Variants in RAPGEF2 observed in about 807,000 individuals in gnomAD.
RAPGEF2 encodes the protein PDZ domain containing guanine nucleotide exchange factor (GEF) 1.
A neutral mutation model predicts 186.7 loss-of-function variants in RAPGEF2; 54 were observed. The ratio of observed to expected loss-of-function variants is 0.29; its 90% CI spans 0.23 to 0.36. The LOEUF (loss-of-function observed/expected upper bound fraction) is 0.36. Ranked by LOEUF, RAPGEF2 falls within the 10% of genes least tolerant of loss-of-function variation. The pLI is 1.00. For synonymous variants in RAPGEF2, 712 were observed against 705.9 expected (o/e 1.01, Z -0.14); for missense variants, 1,532 against 2,045.0 (o/e 0.75, Z 4.84).
chr4:159,355,878 G>GCCGGCCCC lies in RAPGEF2; in HGVS notation c.4679_4680insGGCCCCCC (p.Pro1561AlafsTer67). On this transcript the variant is annotated frameshift_variant, in exon 29 of 30. Coordinates refer to ENST00000691494, the MANE Select transcript of RAPGEF2 (RefSeq NM_001394067.2). LOFTEE classifies it high-confidence loss of function. Reference sequence around the variant, plus strand: ...CACGAAAGGAGGGCAGGTATCGAGAGCCCCCGCCCACCCCTCCCGGCTACA... The same window carrying GCCGGCCCC: ...CACGAAAGGAGGGCAGGTATCGAGAGCCGGCCCCCCCCCGCCCACCCCTCCCGGCTACA... 5.3e-6 allele frequency: 8 copies of GCCGGCCCC among 1,515,836 alleles called. No homozygotes were observed. Among genetic ancestry groups the GCCGGCCCC allele is most frequent in the Non-Finnish European group, 6.3e-6 (7 of 1,117,976 alleles). 93.9% of individuals were successfully genotyped at this position (1,515,836 alleles called of 1,614,324 possible).
intron 25 of RAPGEF2, among the ~76,000 whole-genome samples, chr4:159,348,586 C>G (rs776547341): frequency 6.6e-6 from 1 of 152,120 alleles, no homozygotes; most frequent in African/African-American, 2.4e-5. Context: ...TTATATATTA[C>G]GTTTTGAATA....
chr4:159,270,438 C>G (rs1439669465), intron 7 of RAPGEF2, among the ~76,000 whole-genome samples: 1 of 152,160 alleles, frequency 6.6e-6, no homozygotes, highest in East Asian at 1.9e-4. Context: ...TTCACAAATA[C>G]TTCTGTTTTG....
chr4:159,346,785 T>C lies in RAPGEF2; in HGVS notation c.3503-4T>C, dbSNP rs948630108. 1.2e-6 allele frequency: 2 copies of C among 1,612,734 alleles called. No individual in the cohort carries two copies. The highest frequency in any genetic ancestry group is 8.5e-7 in the Non-Finnish European group (1 of 1,179,126). ...TTCTATTTTCAAACCCAAACAATTA[T>C]CAGTGCCTAAGAATCCTGGTGACAA... On this transcript the variant is annotated splice_polypyrimidine_tract_variant and splice_region_variant and intron_variant, in intron 24 of 29. Coordinates refer to ENST00000691494, the MANE Select transcript of RAPGEF2 (RefSeq NM_001394067.2).
Position 159,331,758 on chromosome 4 carries a change from G to C in RAPGEF2, c.1704G>C (p.Lys568Asn), listed in dbSNP as rs369140910. The C allele has an allele frequency of 6.8e-6, 11 of 1,613,966 alleles. No homozygotes were observed. The African/African-American group carries it at 1.5e-4, about 22-fold the overall frequency. Residue 568 changes from lysine to asparagine, a missense_variant, in exon 15 of 30, where the codon AAG becomes AAC. Lys to Asn is a moderately conservative substitution (Grantham distance 94). This residue lies in a region of RAPGEF2 where 810 missense variants were observed against 1,210.5 expected (regional missense o/e 0.67). Coordinates refer to ENST00000691494, the MANE Select transcript of RAPGEF2 (RefSeq NM_001394067.2). ...TTATCTTACTTGGAGGCTCTGAGAA[G>C]GGATTTGGAATCTTTGTTGACAGTG... is the stretch of plus-strand genomic sequence containing the variant. ...LPFILLGGSE[K>N]GFGIFVDSVD...
intron 7 of RAPGEF2, among the ~76,000 whole-genome samples, chr4:159,287,570 T>C (rs140021248): frequency 2.8e-4 from 43 of 152,274 alleles, no homozygotes; most frequent in African/African-American, 8.9e-4. Context: ...TATATGCTTC[T>C]CTAAGAGCAA....
In RAPGEF2 at chr4:159,332,724, C is replaced by T. The variant is rs781529273; in HGVS notation, c.2135+27C>T. ...TAAGCATCTGCATATGTCTTCTGTGCATTATTTTATTTTGTTAAAATGATA... is the reference window on the plus strand; with the variant it reads ...TAAGCATCTGCATATGTCTTCTGTGTATTATTTTATTTTGTTAAAATGATA... On this transcript the variant is annotated intron_variant, in intron 17 of 29. Coordinates refer to ENST00000691494, the MANE Select transcript of RAPGEF2 (RefSeq NM_001394067.2). The T allele has an allele frequency of 9.4e-6, 15 of 1,603,330 alleles. No homozygotes were observed. The East Asian group carries it at 3.4e-4, about 36-fold the overall frequency.
intron 8 of RAPGEF2, among the ~76,000 whole-genome samples, chr4:159,313,882 A>C (rs1043626420): frequency 6.6e-6 from 1 of 152,198 alleles, no homozygotes; most frequent in Non-Finnish European, 1.5e-5. Context: ...TAACTGTTCT[A>C]GGATTGAGCT....
chr4:159,115,660 T>C (rs932591133), intron 1 of RAPGEF2, among the ~76,000 whole-genome samples: 4 of 152,092 alleles, frequency 2.6e-5, no homozygotes, highest in African/African-American at 7.2e-5. Context: ...TTAAAAGTAT[T>C]TCTCTGCTAC....
intron 28 of RAPGEF2, 85 bp from the exon 29 acceptor site, chr4:159,355,768 C>T (rs564268389): frequency 1.6e-6 from 2 of 1,230,672 alleles, no homozygotes; most frequent in South Asian, 1.5e-5. Context: ...ACTGTGGATG[C>T]TGTTTTAGTA....
chr4:159,337,619 G>A (rs935296052), intron 17 of RAPGEF2, among the ~76,000 whole-genome samples: 1 of 151,884 alleles, frequency 6.6e-6, no homozygotes, highest in African/African-American at 2.4e-5. Context: ...GCCGGGCGTG[G>A]TGGCTCACGC....
intron 1 of RAPGEF2, among the ~76,000 whole-genome samples, chr4:159,119,577 A>C (rs539142682): frequency 5.9e-5 from 9 of 152,278 alleles, no homozygotes; most frequent in African/African-American, 1.7e-4. Flanking sequence ...ACCTCTTTGA[A>C]AGTCTTATTG....
chr4:159,280,406 T>C (rs1189867861), intron 7 of RAPGEF2, among the ~76,000 whole-genome samples: 1 of 152,228 alleles, frequency 6.6e-6, no homozygotes, highest in Admixed American at 6.5e-5. Flanking sequence ...AATCCACTGA[T>C]GATGGATTCT....
At chr4:159,133,635 G>C (rs1305402632) in intron 1 of RAPGEF2, among the ~76,000 whole-genome samples, 1 of 151,604 alleles carries the variant, frequency 6.6e-6, no homozygotes, top group Non-Finnish European at 1.5e-5. Flanking sequence ...CCATGCTGGA[G>C]TGCAGTGGCA....
chr4:159,350,063 G>T (rs1730950975), intron 25 of RAPGEF2, 74 bp from the exon 26 acceptor site: 1 of 1,099,912 alleles, frequency 9.1e-7, no homozygotes, highest in Non-Finnish European at 1.3e-6. Context: ...ACACAAAAAA[G>T]TTTTTTATTC....
intron 20 of RAPGEF2, among the ~76,000 whole-genome samples, chr4:159,342,422 GA>G (rs532993258): frequency 4.0e-5 from 6 of 148,348 alleles, no homozygotes; most frequent in Admixed American, 1.3e-4. Flanking sequence ...GAGGTTAGAA[GA>G]AAAAAAAATG....
At chr4:159,350,787 G>T (rs1731063436) in intron 26 of RAPGEF2, among the ~76,000 whole-genome samples, 1 of 152,092 alleles carries the variant, frequency 6.6e-6, no homozygotes, top group Non-Finnish European at 1.5e-5. Flanking sequence ...CATATTAAAA[G>T]AGTAGGTAAT....
At chr4:159,215,606 A>G (rs961875737) in intron 4 of RAPGEF2, among the ~76,000 whole-genome samples, 21 of 152,254 alleles carry the variant, frequency 1.4e-4, no homozygotes, top group African/African-American at 4.8e-4. Context: ...ATTTTATCAT[A>G]GAAGTCTCAA....
chr4:159,115,779 C>G (rs925447191), intron 1 of RAPGEF2, among the ~76,000 whole-genome samples: 3 of 152,162 alleles, frequency 2.0e-5, no homozygotes, highest in African/African-American at 7.2e-5. Flanking sequence ...GAAATAAGAC[C>G]ACACACCTAC....
chr4:159,323,892 G>C (rs1272240650), intron 11 of RAPGEF2, among the ~76,000 whole-genome samples: 3 of 146,020 alleles, frequency 2.1e-5, no homozygotes, highest in Non-Finnish European at 4.5e-5. Context: ...CTAATTTTTG[G>C]GTTTTTTGGA....
Sources: allele counts gnomAD v4.1 joint callset (sites outside exome capture counted in the v4.1 genomes callset), GRCh38; gene constraint gnomAD v4.1.1; regional missense constraint gnomAD v4.1.1; transcripts MANE v1.5; gene names NCBI Gene and HGNC (gene_info 2026-07-23, HGNC 2026-07-21).